Variants in PAIP2B observed in about 807,000 individuals in gnomAD.
PAIP2B encodes poly(A) binding protein interacting protein 2B.
PAIP2B carries 13 observed loss-of-function variants against 17.0 expected under a neutral mutation model. The observed-to-expected ratio is 0.76, with a 90% CI of 0.50 to 1.22. The LOEUF (loss-of-function observed/expected upper bound fraction) is 1.22. Ranked by LOEUF, PAIP2B falls within the 50% of genes most tolerant of loss-of-function variation. The pLI is 0.00. For synonymous variants in PAIP2B, 43 were observed against 48.7 expected (o/e 0.88, Z 0.48); for missense variants, 117 against 144.5 (o/e 0.81, Z 0.98).
At chr2:71,219,547 G>A (rs1675524034) in intron 1 of PAIP2B, among the ~76,000 whole-genome samples, 1 of 152,082 alleles carries the variant, frequency 6.6e-6, no homozygotes. Flanking sequence ...CAAAGGAAAG[G>A]CTGATTCCCC....
intron 1 of PAIP2B, among the ~76,000 whole-genome samples, chr2:71,223,834 C>CT (rs1675653265): frequency 6.6e-6 from 1 of 152,184 alleles, no homozygotes; most frequent in African/African-American, 2.4e-5. Flanking sequence ...AATGTACAAA[C>CT]TATCAAATAA....
intron 2 of PAIP2B, 135 bp downstream of exon 2, chr2:71,202,317 C>T: frequency 9.1e-7 from 1 of 1,100,188 alleles, no homozygotes; most frequent in Non-Finnish European, 1.3e-6. Context: ...CCAGATGAGG[C>T]CCCCCACCAA....
intron 1 of PAIP2B, among the ~76,000 whole-genome samples, chr2:71,207,751 T>G (rs1368506926): frequency 1.3e-5 from 2 of 151,754 alleles, no homozygotes; most frequent in African/African-American, 4.8e-5. Context: ...GGAGTCAGAG[T>G]GAGGGAAATA....
intron 1 of PAIP2B, among the ~76,000 whole-genome samples, chr2:71,215,937 A>AT (rs1675420876): frequency 6.6e-6 from 1 of 152,008 alleles, no homozygotes; most frequent in Non-Finnish European, 1.5e-5. Flanking sequence ...TTTGGCCTTG[A>AT]TTTTTCATCT....
At chr2:71,218,226 T>C (rs777664067) in intron 1 of PAIP2B, among the ~76,000 whole-genome samples, 13 of 152,132 alleles carry the variant, frequency 8.5e-5, no homozygotes, top group Non-Finnish European at 1.2e-4. Context: ...GGAGACAGTT[T>C]TGGTAACCTC....
chr2:71,210,815 C>A (rs1433924550), intron 1 of PAIP2B, among the ~76,000 whole-genome samples: 1 of 152,104 alleles, frequency 6.6e-6, no homozygotes, highest in Non-Finnish European at 1.5e-5. Context: ...GTTTGCCCCA[C>A]TGAGGAAATG....
At chr2:71,201,383 A>G (rs1674981161) in intron 2 of PAIP2B, among the ~76,000 whole-genome samples, 1 of 148,242 alleles carries the variant, frequency 6.7e-6, no homozygotes, top group Non-Finnish European at 1.5e-5. Flanking sequence ...GAGAGTTCTT[A>G]ATCTTTTTTT....
intron 1 of PAIP2B, 70 bp from the exon 2 acceptor site, chr2:71,202,670 A>C (rs1421673248): frequency 7.7e-7 from 1 of 1,296,162 alleles, no homozygotes; most frequent in Non-Finnish European, 1.1e-6. Context: ...TAAAACATGC[A>C]GATTCTGTCA....
chr2:71,201,039 G>GAA (rs1674972218), intron 2 of PAIP2B, among the ~76,000 whole-genome samples: 5 of 149,600 alleles, frequency 3.3e-5, no homozygotes, highest in Admixed American at 3.3e-4. Context: ...GTGTGTGTGT[G>GAA]TGTGTGAATG....
intron 1 of PAIP2B, among the ~76,000 whole-genome samples, chr2:71,203,781 C>A (rs1675051559): frequency 6.6e-6 from 1 of 151,138 alleles, no homozygotes; most frequent in Non-Finnish European, 1.5e-5. Flanking sequence ...ATATGTTATT[C>A]ATTATATTTA....
intron 1 of PAIP2B, among the ~76,000 whole-genome samples, chr2:71,208,478 GAGA>G (rs1284858189): frequency 2.0e-5 from 3 of 151,724 alleles, no homozygotes; most frequent in Non-Finnish European, 4.4e-5. Flanking sequence ...AAAGGAAACT[GAGA>G]AGAACCCAGA....
rs867911819 is a variant in PAIP2B at position 71,182,965 on chromosome 2, G to A, written c.*5514C>T. On this transcript the variant is annotated 3_prime_UTR_variant, in exon 4 of 4. Coordinates refer to ENST00000244221, the MANE Select transcript of PAIP2B (RefSeq NM_020459.1). ...ACTTGTGAAACAGGGGTAAGTGTCC[G>A]AAGTCAAGACCTTCTGGGCCCAGTG... 1.2e-3 allele frequency: 131 copies of A among 111,190 alleles called. No homozygotes were observed. The highest frequency in any genetic ancestry group is 4.5e-3 in the African/African-American group (123 of 27,362). The allele number at this position is 111,190 out of a possible 1,614,324, so 6.9% of individuals were successfully genotyped here. A position where few individuals can be genotyped will look rare whatever the true frequency, so the allele number is the denominator to read the frequency against.
intron 2 of PAIP2B, among the ~76,000 whole-genome samples, chr2:71,194,315 G>A (rs1674760846): frequency 6.6e-6 from 1 of 152,164 alleles, no homozygotes; most frequent in African/African-American, 2.4e-5. Context: ...GGGCAGTATA[G>A]CCATTTTAAT....
Position 71,199,441 on chromosome 2 carries a change from C to A in PAIP2B, c.138+3011G>T, listed in dbSNP as rs1393185393. On this transcript the variant is annotated intron_variant, in intron 2 of 3. Coordinates refer to ENST00000244221, the MANE Select transcript of PAIP2B (RefSeq NM_020459.1). ...AAAAAAAAATCTAGTTAGAAATGAC[C>A]CATAAGATTTTACAATTCACTAAGC... Among the ~76,000 whole-genome samples the A allele has an allele frequency of 5.3e-5, 8 of 152,038 alleles. No homozygotes were observed. The East Asian group carries it at 1.5e-3, about 29-fold the overall frequency.
intron 1 of PAIP2B, among the ~76,000 whole-genome samples, chr2:71,224,112 C>T (rs1273497574): frequency 1.3e-5 from 2 of 152,190 alleles, no homozygotes; most frequent in Admixed American, 1.3e-4. Context: ...CAAAGATGAC[C>T]AGAGGACAGA....
At chr2:71,204,627 CAT>C (rs1449309631) in intron 1 of PAIP2B, among the ~76,000 whole-genome samples, 4 of 152,080 alleles carry the variant, frequency 2.6e-5, no homozygotes, top group Non-Finnish European at 4.4e-5. Flanking sequence ...ATCTGCTTAA[CAT>C]ATTTTAAATA....
rs984298108 is a variant in PAIP2B at position 71,185,081 on chromosome 2, C to T, written c.*3398G>A. On this transcript the variant is annotated 3_prime_UTR_variant, in exon 4 of 4. Transcript: ENST00000244221. ...CAGCCCTAGTACAAGAAGATTCATT[C>T]GTGCTGTTTACTTTGGCAGCCTCTT... 3.9e-5 allele frequency: 6 copies of T among 152,292 alleles called. No individual in the cohort carries two copies. The highest frequency in any genetic ancestry group is 1.9e-4 in the East Asian group (1 of 5,190). 9.4% of individuals were successfully genotyped at this position (152,292 alleles called of 1,614,324 possible).
At chr2:71,192,262 A>ATTT (rs56380844) in intron 2 of PAIP2B, among the ~76,000 whole-genome samples, 8 of 142,216 alleles carry the variant, frequency 5.6e-5, no homozygotes, top group East Asian at 2.0e-4. Context: ...TAGATACTGC[A>ATTT]TTTTTTTTTT....
At chr2:71,190,067 C>T in intron 2 of PAIP2B, 46 bp from the exon 3 acceptor site, 10 of 1,538,058 alleles carry the variant, frequency 6.5e-6, no homozygotes, top group Non-Finnish European at 8.8e-6. Flanking sequence ...CACAGCAAGA[C>T]TTACCCCTTC....
Sources: allele counts gnomAD v4.1 joint callset (sites outside exome capture counted in the v4.1 genomes callset), GRCh38; gene constraint gnomAD v4.1.1; transcripts MANE v1.5; gene names NCBI Gene and HGNC (gene_info 2026-07-23, HGNC 2026-07-21).